The following BTAF1 variants were observed in gnomAD, a reference collection of about 807,000 sequenced individuals.
BTAF1 encodes B-TFIID TATA-box binding protein associated factor 1, also known as TATA-binding protein-associated factor 172.
BTAF1 carries 38 observed loss-of-function variants against 227.1 expected under a neutral mutation model. The observed-to-expected ratio is 0.17, with a 90% CI of 0.13 to 0.22. The LOEUF is 0.22. Among genes scored for constraint, BTAF1 ranks in the 10% least tolerant of loss-of-function variants. The pLI is 1.00. For synonymous variants in BTAF1, 742 were observed against 751.9 expected, an observed-to-expected ratio of 0.99 and a Z score of 0.21; for missense variants, 1,598 against 2,204.0, an observed-to-expected ratio of 0.73 and a Z score of 5.51.
chr10:91,992,464 G>A (rs1048907262), intron 21 of BTAF1, among the ~76,000 whole-genome samples, 155 bp downstream of exon 21: 5 of 151,808 alleles, frequency 3.3e-5, no homozygotes, highest in African/African-American at 4.8e-5. Flanking sequence ...CCAGAAAAAC[G>A]GCAAACTTCA....
intron 6 of BTAF1, among the ~76,000 whole-genome samples, chr10:91,955,049 G>T (rs997389579): frequency 6.6e-6 from 1 of 152,030 alleles, no homozygotes; most frequent in African/African-American, 2.4e-5. Context: ...AGGCACAAAG[G>T]GGGATAAATA....
At chr10:91,964,704 G>A (rs943742291) in intron 13 of BTAF1, among the ~76,000 whole-genome samples, 1 of 152,056 alleles carries the variant, frequency 6.6e-6, no homozygotes, top group African/African-American at 2.4e-5. Context: ...CAAAGGCAGA[G>A]ATCAAATGAA....
chr10:91,979,003 A>G (rs1368525498), intron 14 of BTAF1, among the ~76,000 whole-genome samples: 4 of 151,748 alleles, frequency 2.6e-5, no homozygotes, highest in African/African-American at 4.8e-5. Context: ...AGTAGGCCCC[A>G]GTGTCTTTTG....
chr10:91,946,892 T>G (rs1436914730), intron 4 of BTAF1, among the ~76,000 whole-genome samples: 1 of 151,990 alleles, frequency 6.6e-6, no homozygotes, highest in Admixed American at 6.6e-5. Flanking sequence ...CAGGCTGTAG[T>G]GCAGTGGTGT....
At chr10:91,959,255 G>A in intron 9 of BTAF1, 101 bp downstream of exon 9, 6 of 1,562,912 alleles carry the variant, frequency 3.8e-6, no homozygotes, top group South Asian at 2.4e-5. Flanking sequence ...AGGAATGAGA[G>A]GTAAATAAGA....
rs1461178433 is a variant in BTAF1, at chr10:92,011,148, T to A, written c.4179T>A (p.Phe1393Leu). Residue 1393 changes from phenylalanine (F) to leucine (L), a missense_variant and splice_region_variant, in exon 29 of 38, where the codon TTT (phenylalanine) becomes TTA (leucine). By Grantham distance (22) the Phe-to-Leu change is conservative. Coordinates refer to ENST00000265990, the MANE Select transcript of BTAF1 (RefSeq NM_003972.3). ...TTGTGAGGAATGACATAGATTTCTT[T>A]AGGTAAGAATTAATTTTTTTTTTAG... ...YDVVRNDIDF[F>L]RNIKFNYCIL... The A allele has an allele frequency of 7.0e-6, 11 of 1,581,198 alleles. No homozygotes were observed. The highest frequency in any genetic ancestry group is 9.4e-6 in the Non-Finnish European group (11 of 1,167,862).
chr10:91,944,040 A>G (rs1315831377), intron 4 of BTAF1, among the ~76,000 whole-genome samples: 3 of 151,902 alleles, frequency 2.0e-5, no homozygotes, highest in African/African-American at 7.3e-5. Flanking sequence ...AATCCCAGCT[A>G]CTCTGGAGGC....
At chr10:91,965,652 TTATG>T (rs1377341762) in intron 13 of BTAF1, among the ~76,000 whole-genome samples, 1 of 152,206 alleles carries the variant, frequency 6.6e-6, no homozygotes, top group Non-Finnish European at 1.5e-5. Context: ...TTCTTCTAGT[TTATG>T]TAAGAAGAAA....
rs1412087998 is a variant in BTAF1, at chr10:91,993,585, G to A, written c.3046-109G>A. 3.5e-6 allele frequency: 3 copies of A among 865,878 alleles called. No individual in the cohort carries two copies. The African/African-American group carries it at 5.2e-5, about 15-fold the overall frequency. The allele number at this position is 865,878 out of a possible 1,614,324, so 53.6% of individuals were successfully genotyped here. ...TCTAATAATTGCTTACTTGGTTAATGATAACATTATGAATTCTTAGATGGT... is the reference window on the plus strand; with the variant it reads ...TCTAATAATTGCTTACTTGGTTAATAATAACATTATGAATTCTTAGATGGT... On this transcript the variant is annotated intron_variant, in intron 21 of 37. Transcript: ENST00000265990.
In BTAF1 at chr10:91,981,823, T is replaced by A. The variant is rs769850325; in HGVS notation, c.1905+31T>A. On this transcript the variant is annotated intron_variant, in intron 16 of 37. Transcript: ENST00000265990. ...TGTAGAGGGACATAGTGTATTTGTG[T>A]GTTCATCATCTAATTATTAATACAG... 11 of 1,585,698 alleles carry A rather than the reference T, an allele frequency of 6.9e-6. No homozygotes were observed. The East Asian group carries it at 2.5e-4, about 36-fold the overall frequency.
At chr10:92,001,387 AAGGAGT>A (rs1309952571) in intron 25 of BTAF1, among the ~76,000 whole-genome samples, 1 of 152,144 alleles carries the variant, frequency 6.6e-6, no homozygotes, top group Non-Finnish European at 1.5e-5. Flanking sequence ...TCACTGTGGA[AAGGAGT>A]AGGTGGAGCA....
intron 4 of BTAF1, among the ~76,000 whole-genome samples, chr10:91,942,982 T>C (rs143934383): frequency 2.0e-5 from 3 of 152,324 alleles, no homozygotes; most frequent in African/African-American, 7.2e-5. Context: ...TCTGATATTA[T>C]TGGGTTTACT....
intron 34 of BTAF1, among the ~76,000 whole-genome samples, chr10:92,022,164 A>G (rs894193854): frequency 1.3e-5 from 2 of 152,220 alleles, no homozygotes; most frequent in African/African-American, 4.8e-5. Flanking sequence ...AGACAGAGAT[A>G]CTTACGTCAA....
intron 5 of BTAF1, 75 bp from the exon 6 acceptor site, chr10:91,953,662 T>TTC (rs758289692): frequency 1.1e-5 from 17 of 1,508,238 alleles, no homozygotes; most frequent in African/African-American, 1.4e-5. Flanking sequence ...AGACTTGGTC[T>TTC]TCTTCTGAGG....
At chr10:91,944,721 A>C (rs751772180) in intron 4 of BTAF1, among the ~76,000 whole-genome samples, 1 of 152,066 alleles carries the variant, frequency 6.6e-6, no homozygotes, top group Non-Finnish European at 1.5e-5. Flanking sequence ...TTATCCTCTT[A>C]CTTCCTTCCC....
intron 14 of BTAF1, 139 bp downstream of exon 14, chr10:91,966,896 G>A (rs1846957895): frequency 5.8e-6 from 4 of 692,588 alleles, no homozygotes; most frequent in Non-Finnish European, 8.9e-6. Flanking sequence ...CCATGTAGAT[G>A]AATATAATCA....
rs1215362602 is a variant in BTAF1, at chr10:92,024,735, T to G, written c.4864-21T>G. ...GCTTTTATTGAACGCTTATGTAGTT[T>G]TTTTTTTTTTTCTTCCTAAGTTGCT... On this transcript the variant is annotated intron_variant, in intron 34 of 37. Transcript: ENST00000265990. 5.1e-6 allele frequency: 8 copies of G among 1,564,060 alleles called. 1 individual carries two copies. The East Asian group carries it at 9.0e-5, about 18-fold the overall frequency.
intron 14 of BTAF1, among the ~76,000 whole-genome samples, chr10:91,977,021 G>T (rs912809326): frequency 6.6e-6 from 1 of 152,138 alleles, no homozygotes; most frequent in Non-Finnish European, 1.5e-5. Flanking sequence ...GAAACCTGAA[G>T]GGTAAGTGGA....
At chr10:91,955,935 G>A (rs922578163) in intron 6 of BTAF1, among the ~76,000 whole-genome samples, 1 of 152,210 alleles carries the variant, frequency 6.6e-6, no homozygotes, top group African/African-American at 2.4e-5. Flanking sequence ...GCTTTAAAAT[G>A]TGCTAAGTTT....
Sources: gnomAD v4.1 joint callset for allele counts (sites outside exome capture counted in the v4.1 genomes callset) on GRCh38, gnomAD v4.1.1 for gene constraint, MANE v1.5 for transcripts, NCBI Gene and HGNC (gene_info 2026-07-23, HGNC 2026-07-21) for gene names.